Variants in SPICE1 observed in about 807,000 individuals in gnomAD.
The protein encoded by SPICE1 is spindle and centriole-associated protein 1.
A neutral mutation model predicts 102.7 loss-of-function variants in SPICE1; 75 were observed. The observed-to-expected ratio is 0.73, with a 90% confidence interval of 0.61 to 0.88. The LOEUF (loss-of-function observed/expected upper bound fraction) is 0.88, where lower values mean the gene tolerates loss of function less well. Among genes scored for constraint, SPICE1 ranks in the 40% least tolerant of loss-of-function variants. The pLI is 0.00. For missense variants in SPICE1, 979 were observed against 1,020.1 expected, an observed-to-expected ratio of 0.96 and a Z score of 0.55; for synonymous variants, 308 against 350.3, an observed-to-expected ratio of 0.88 and a Z score of 1.35.
intron 12 of SPICE1, chr3:113,459,835 G>A: frequency 7.2e-6 from 7 of 966,722 alleles, no homozygotes; most frequent in Non-Finnish European, 6.1e-6. Flanking sequence ...TAAGCCGAGA[G>A]GGCGCCACTA....
chr3:113,458,580 C>T (rs1052520817), intron 12 of SPICE1, among the ~76,000 whole-genome samples: 2 of 152,202 alleles, frequency 1.3e-5, no homozygotes, highest in African/African-American at 4.8e-5. Context: ...ACCTCCCAGC[C>T]ACCTGCCTTG....
chr3:113,466,084 C>G (rs917628014), intron 10 of SPICE1, among the ~76,000 whole-genome samples: 2 of 152,076 alleles, frequency 1.3e-5, no homozygotes, highest in Non-Finnish European at 2.9e-5. Context: ...TATACACTGA[C>G]CATCTCTAGA....
chr3:113,471,238 C>A (rs549900308), intron 7 of SPICE1, among the ~76,000 whole-genome samples: 1 of 152,134 alleles, frequency 6.6e-6, no homozygotes, highest in East Asian at 1.9e-4. Context: ...TCTTCAGATA[C>A]AATTTAGAAT....
At chr3:113,483,624 A>C (rs911197633) in intron 7 of SPICE1, among the ~76,000 whole-genome samples, 1 of 152,122 alleles carries the variant, frequency 6.6e-6, no homozygotes, top group Non-Finnish European at 1.5e-5. Context: ...TTCTGCATCT[A>C]TTAGGTTAAT....
intron 7 of SPICE1, among the ~76,000 whole-genome samples, chr3:113,470,866 G>A (rs982366395): frequency 4.6e-5 from 7 of 152,274 alleles, no homozygotes; most frequent in South Asian, 2.1e-4. Context: ...ATTTTCCCTC[G>A]TAAAATGGAA....
chr3:113,461,133 G>C (rs1238832502), intron 11 of SPICE1, among the ~76,000 whole-genome samples: 1 of 151,768 alleles, frequency 6.6e-6, no homozygotes, highest in Non-Finnish European at 1.5e-5. Context: ...AAGAGACACA[G>C]ATACATGAGG....
chr3:113,510,538 A>C lies in SPICE1; in HGVS notation c.1-3933T>G, dbSNP rs115766746. 8.4e-3 allele frequency among the ~76,000 whole-genome samples: 1,273 copies of C among 152,324 alleles called. 21 individuals carry two copies. Among genetic ancestry groups the C allele is most frequent in the African/African-American group, 0.029 (1,202 of 41,568 alleles). On this transcript the variant is annotated intron_variant, in intron 1 of 17. Coordinates refer to ENST00000295872, the MANE Select transcript of SPICE1 (RefSeq NM_144718.4). ...CAATGGGGAAAGGATTCCCTACTTA[A>C]TAGTGTTGGGAGAACTGGTGAGCCA...
At chr3:113,454,181 A>T (rs1199668561) in intron 13 of SPICE1, among the ~76,000 whole-genome samples, 1 of 152,148 alleles carries the variant, frequency 6.6e-6, no homozygotes. Flanking sequence ...CCTTGTGAAA[A>T]ACCATCTGTC....
chr3:113,495,604 C>T (rs1316632698), intron 4 of SPICE1, among the ~76,000 whole-genome samples: 5 of 152,192 alleles, frequency 3.3e-5, no homozygotes, highest in African/African-American at 9.6e-5. Context: ...GATATGGAAA[C>T]ACTGAAAACC....
rs61284128 is a variant in SPICE1 at position 113,480,931 on chromosome 3, A to AGAAAGAAAGAAAG, written c.611+8013_611+8014insCTTTCTTTCTTTC. On this transcript the variant is annotated intron_variant, in intron 7 of 17. Coordinates refer to ENST00000295872, the MANE Select transcript of SPICE1 (RefSeq NM_144718.4). ...AAAATTTAAAGAAAGAAAGAAAGAA[A>AGAAAGAAAGAAAG]AAAGACCTCAGTACTAAAGCCAATA... Among the ~76,000 whole-genome samples, 61 of 143,662 alleles carry AGAAAGAAAGAAAG rather than the reference A, an allele frequency of 4.2e-4. 4 individuals carry two copies. The highest frequency in any genetic ancestry group is 3.5e-3 in the Middle Eastern group (1 of 288). 94.2% of individuals were successfully genotyped at this position (143,662 alleles called of 152,430 possible).
At chr3:113,475,898 T>C (rs373777853) in intron 7 of SPICE1, among the ~76,000 whole-genome samples, 132 of 152,226 alleles carry the variant, frequency 8.7e-4, no homozygotes, top group African/African-American at 2.8e-3. Context: ...CCTCTCTCAC[T>C]ACTCCTATTC....
intron 10 of SPICE1, 28 bp downstream of exon 10, chr3:113,468,108 AAAG>A: frequency 6.7e-7 from 1 of 1,502,648 alleles, no homozygotes; most frequent in South Asian, 1.2e-5. Flanking sequence ...TTCTGCCTGA[AAAG>A]AAGACTCTAC....
chr3:113,466,515 C>G (rs534995317), intron 10 of SPICE1, among the ~76,000 whole-genome samples: 1 of 151,436 alleles, frequency 6.6e-6, no homozygotes, highest in African/African-American at 2.4e-5. Context: ...GAGGCTGAGG[C>G]AGAAGAATCT....
intron 17 of SPICE1, among the ~76,000 whole-genome samples, chr3:113,446,245 G>C (rs764337554): frequency 3.7e-4 from 57 of 152,260 alleles, no homozygotes; most frequent in Non-Finnish European, 7.5e-4. Context: ...CCAAGCACAA[G>C]GACTGGGGGA....
At chr3:113,506,425 C>G (rs1400605917) in intron 2 of SPICE1, 82 bp downstream of exon 2, 7 of 1,110,428 alleles carry the variant, frequency 6.3e-6, no homozygotes, top group Non-Finnish European at 9.4e-6. Flanking sequence ...TTCAGAACAC[C>G]ATCTTGCATG....
chr3:113,504,830 C>G (rs763442109), intron 2 of SPICE1, among the ~76,000 whole-genome samples: 3 of 152,126 alleles, frequency 2.0e-5, no homozygotes, highest in Non-Finnish European at 2.9e-5. Context: ...TTTATCAAGA[C>G]AGTAATAATC....
chr3:113,474,261 A>C (rs1465989077), intron 7 of SPICE1, among the ~76,000 whole-genome samples: 21 of 152,250 alleles, frequency 1.4e-4, no homozygotes. Context: ...TATGCACCCA[A>C]TACAGGAGCA....
chr3:113,488,716 G>A (rs2107490228), intron 7 of SPICE1, among the ~76,000 whole-genome samples: 1 of 152,234 alleles, frequency 6.6e-6, no homozygotes, highest in African/African-American at 2.4e-5. Context: ...TCAGAAAGGA[G>A]ATAAAATGAT....
chr3:113,499,651 G>A (rs1194268272), intron 3 of SPICE1, 69 bp from the exon 4 acceptor site: 34 of 1,414,864 alleles, frequency 2.4e-5, no homozygotes, highest in Non-Finnish European at 3.0e-5. Context: ...CAGATGATGA[G>A]ATCACCTACT....
Sources: allele counts gnomAD v4.1 joint callset (sites outside exome capture counted in the v4.1 genomes callset), GRCh38; gene constraint gnomAD v4.1.1; transcripts MANE v1.5; gene names NCBI Gene and HGNC (gene_info 2026-07-23, HGNC 2026-07-21).